The following C2orf49 variants were observed in gnomAD, a reference collection of about 807,000 sequenced individuals.
The protein encoded by C2orf49 is tRNA splicing ligase complex subunit 2, also known as tRNA-splicing ligase complex subunit ASW.
Under a neutral mutation model 20.6 loss-of-function variants are expected in C2orf49, and 11 were observed. That is an observed-to-expected ratio of 0.53 (90% CI 0.34 to 0.88). C2orf49 has a LOEUF of 0.88. Among genes scored for constraint, C2orf49 ranks in the 40% least tolerant of loss-of-function variants. The pLI is 0.02. For missense variants in C2orf49, 289 were observed against 274.2 expected, an observed-to-expected ratio of 1.05 and a Z score of -0.38; for synonymous variants, 134 against 108.5, an observed-to-expected ratio of 1.24 and a Z score of -1.46.
intron 1 of C2orf49, 100 bp downstream of exon 1, chr2:105,337,786 C>G (rs1679542875): frequency 9.2e-7 from 1 of 1,090,304 alleles, no homozygotes; most frequent in Non-Finnish European, 1.3e-6. Flanking sequence ...CACGGACACT[C>G]CCGCCGGGTT....
Position 105,346,840 on chromosome 2 carries a change from GA to G in C2orf49, c.*1472del, listed in dbSNP as rs1679825640. On this transcript the variant is annotated 3_prime_UTR_variant, in exon 4 of 4. Coordinates refer to ENST00000258457, the MANE Select transcript of C2orf49 (RefSeq NM_024093.3). ...GTATTTTCACTCCAATTGTATAATG[GA>G]AATCAGTGGGAAAATAGGGTTTACC... 1 of 152,266 alleles carries G rather than the reference GA, an allele frequency of 6.6e-6. No individual in the cohort carries two copies. Among genetic ancestry groups the G allele is most frequent in the South Asian group, 2.1e-4 (1 of 4,830 alleles). 9.4% of individuals were successfully genotyped at this position (152,266 alleles called of 1,614,324 possible).
chr2:105,339,483 T>G (rs1243745070), intron 1 of C2orf49, 100 bp from the exon 2 acceptor site: 12 of 1,161,642 alleles, frequency 1.0e-5, no homozygotes, highest in Non-Finnish European at 1.3e-5. Flanking sequence ...TTTTTATAAT[T>G]TGTTATTTAA....
chr2:105,363,365 C>A, the C2orf49 span: 1 of 1,614,190 alleles, frequency 6.2e-7, no homozygotes, highest in Non-Finnish European at 8.5e-7. Flanking sequence ...AAAGTCATCG[C>A]GAGCTGTGAA....
rs1558668629 is a variant in C2orf49 at position 105,346,178 on chromosome 2, C to G, written c.*807C>G. 1.3e-5 allele frequency: 2 copies of G among 152,032 alleles called. No individual in the cohort carries two copies. The highest frequency in any genetic ancestry group is 2.9e-5 in the Non-Finnish European group (2 of 68,020). 9.4% of individuals were successfully genotyped at this position (152,032 alleles called of 1,614,324 possible). Reference sequence around the variant, plus strand: ...GCAACATTCATCCTTAAATGTTCACCAAGAAAAGCATCTTTGTAGTAGTGC... The same window carrying G: ...GCAACATTCATCCTTAAATGTTCACGAAGAAAAGCATCTTTGTAGTAGTGC... On this transcript the variant is annotated 3_prime_UTR_variant, in exon 4 of 4. Transcript: ENST00000258457.
the C2orf49 span, among the ~76,000 whole-genome samples, chr2:105,385,411 T>A: frequency 1.3e-5 from 2 of 152,166 alleles, no homozygotes; most frequent in Non-Finnish European, 2.9e-5. Context: ...TCAGCGGCAA[T>A]GTGCTGATAT....
intron 1 of C2orf49, among the ~76,000 whole-genome samples, chr2:105,337,900 G>A (rs552377504): frequency 1.3e-5 from 2 of 152,292 alleles, no homozygotes; most frequent in Admixed American, 1.3e-4. Flanking sequence ...GAATGCTTGG[G>A]AAATAGGGCT....
At chr2:105,343,929 T>G (rs1455721044) in intron 3 of C2orf49, among the ~76,000 whole-genome samples, 1 of 152,048 alleles carries the variant, frequency 6.6e-6, no homozygotes, top group African/African-American at 2.4e-5. Context: ...ATAGCCATTA[T>G]TCTGTAGAAT....
downstream of C2orf49, among the ~76,000 whole-genome samples, chr2:105,354,154 C>T (rs1679995736): frequency 6.6e-6 from 1 of 152,140 alleles, no homozygotes; most frequent in Non-Finnish European, 1.5e-5. Context: ...AAAGTTTTTC[C>T]AGAGATAAAG....
chr2:105,348,676 G>A lies in C2orf49; in HGVS notation c.*3305G>A, dbSNP rs935820261. Reference sequence around the variant, plus strand: ...ATGCTTGTGCAGGTTTTGTAATTCAGTACAGAAAAGTTTAACCTTGTACAT... The same window carrying A: ...ATGCTTGTGCAGGTTTTGTAATTCAATACAGAAAAGTTTAACCTTGTACAT... On this transcript the variant is annotated 3_prime_UTR_variant, in exon 4 of 4. Coordinates refer to ENST00000258457, the MANE Select transcript of C2orf49 (RefSeq NM_024093.3). 6.6e-6 allele frequency: 1 copy of A among 151,682 alleles called. No homozygotes were observed. Among genetic ancestry groups the A allele is most frequent in the African/African-American group, 2.4e-5 (1 of 41,322 alleles). 9.4% of individuals were successfully genotyped at this position (151,682 alleles called of 1,614,324 possible).
At chr2:105,367,719 T>G in the C2orf49 span, 15 of 1,614,124 alleles carry the variant, frequency 9.3e-6, no homozygotes, top group Non-Finnish European at 1.2e-5. Flanking sequence ...CTGCTGCCCT[T>G]GTACTCCATC....
the C2orf49 span, chr2:105,367,479 T>C: frequency 7.7e-7 from 1 of 1,306,804 alleles, no homozygotes; most frequent in Non-Finnish European, 1.1e-6. Flanking sequence ...GTATCACAGG[T>C]ATCCTTGGTT....
the C2orf49 span, chr2:105,378,430 C>T: frequency 3.3e-6 from 1 of 304,444 alleles, no homozygotes; most frequent in African/African-American, 2.2e-5. Context: ...CTGCTATATC[C>T]CCTGGGAACC....
At chr2:105,382,693 A>T in the C2orf49 span, among the ~76,000 whole-genome samples, 9 of 149,594 alleles carry the variant, frequency 6.0e-5, no homozygotes, top group East Asian at 3.9e-4. Context: ...CTTGTTTATT[A>T]TTTTTTTTTT....
At chr2:105,355,270 C>G in the C2orf49 span, among the ~76,000 whole-genome samples, 1 of 152,152 alleles carries the variant, frequency 6.6e-6, no homozygotes, top group Non-Finnish European at 1.5e-5. Context: ...GGCAAGCCGA[C>G]TCTCATACAG....
chr2:105,340,179 A>G (rs1679628798), intron 2 of C2orf49, among the ~76,000 whole-genome samples: 1 of 152,252 alleles, frequency 6.6e-6, no homozygotes, highest in South Asian at 2.1e-4. Flanking sequence ...ATGGAGAAGT[A>G]GGAAGAACGA....
At chr2:105,339,806 AGTT>A in intron 2 of C2orf49, 57 bp downstream of exon 2, 1 of 1,399,488 alleles carries the variant, frequency 7.1e-7, no homozygotes, top group African/African-American at 1.5e-5. Flanking sequence ...GTTATATATA[AGTT>A]ATTGATTTTT....
chr2:105,354,340 G>A, the C2orf49 span, among the ~76,000 whole-genome samples: 28 of 152,134 alleles, frequency 1.8e-4, no homozygotes, highest in African/African-American at 4.3e-4. Context: ...TCATTGTTCC[G>A]GTTGAGGGTA....
At chr2:105,366,702 C>T in the C2orf49 span, among the ~76,000 whole-genome samples, 1 of 152,160 alleles carries the variant, frequency 6.6e-6, no homozygotes. Context: ...CCTAACAGAG[C>T]CATGACTGGA....
At chr2:105,339,012 G>A (rs1296770930) in intron 1 of C2orf49, among the ~76,000 whole-genome samples, 1 of 152,210 alleles carries the variant, frequency 6.6e-6, no homozygotes, top group African/African-American at 2.4e-5. Context: ...GTGAAAATGG[G>A]GTGCAGGCTT....
Sources: gnomAD v4.1 joint callset for allele counts (sites outside exome capture counted in the v4.1 genomes callset) on GRCh38, gnomAD v4.1.1 for gene constraint, MANE v1.5 for transcripts, NCBI Gene and HGNC (gene_info 2026-07-23, HGNC 2026-07-21) for gene names.